Variants in GALNT10 observed in about 807,000 individuals in gnomAD.
GALNT10 encodes polypeptide N-acetylgalactosaminyltransferase 10.
In GALNT10, 41 loss-of-function variants were observed where a neutral mutation model predicts 75.0. The ratio of observed to expected loss-of-function variants is 0.55; its 90% CI spans 0.43 to 0.71. The LOEUF is 0.71. Ranked by LOEUF, GALNT10 falls within the 30% of genes least tolerant of loss-of-function variation. GALNT10 has a pLI of 0.00. For missense variants in GALNT10, 727 were observed against 818.5 expected (o/e 0.89, Z 1.36); for synonymous variants, 302 against 313.0 (o/e 0.96, Z 0.37).
chr5:154,345,124 A>T (rs951864543), intron 4 of GALNT10, among the ~76,000 whole-genome samples: 3 of 152,198 alleles, frequency 2.0e-5, no homozygotes, highest in Non-Finnish European at 4.4e-5. Flanking sequence ...TGAGCCAAAG[A>T]TGCATCAAAA....
chr5:154,386,235 G>C (rs976578021), intron 6 of GALNT10, 78 bp from the exon 7 acceptor site: 1 of 1,012,146 alleles, frequency 9.9e-7, no homozygotes, highest in African/African-American at 1.6e-5. Context: ...GCCGCTGGGG[G>C]AATGGCATTA....
At chr5:154,399,274 A>T (rs959963220) in intron 7 of GALNT10, among the ~76,000 whole-genome samples, 1 of 152,172 alleles carries the variant, frequency 6.6e-6, no homozygotes, top group Non-Finnish European at 1.5e-5. Context: ...CATGAGCAGA[A>T]CCACAGGGCC....
intron 1 of GALNT10, among the ~76,000 whole-genome samples, chr5:154,250,020 A>T (rs1410414760): frequency 6.6e-6 from 1 of 152,226 alleles, no homozygotes; most frequent in Non-Finnish European, 1.5e-5. Context: ...GAAATCAATC[A>T]TGCACAGCTG....
At chr5:154,304,418 G>A (rs987733813) in intron 3 of GALNT10, among the ~76,000 whole-genome samples, 10 of 152,090 alleles carry the variant, frequency 6.6e-5, no homozygotes, top group African/African-American at 2.4e-4. Context: ...ATGATAAGAG[G>A]AGAATTCTTG....
At chr5:154,404,293 CTG>C (rs1357264042) in intron 8 of GALNT10, 82 bp downstream of exon 8, 44 of 703,778 alleles carry the variant, frequency 6.3e-5, no homozygotes, top group Non-Finnish European at 1.1e-4. Context: ...GGGCCCTAGA[CTG>C]TGTTATGTGA....
intron 7 of GALNT10, among the ~76,000 whole-genome samples, chr5:154,391,483 C>T (rs898475658): frequency 6.6e-6 from 1 of 152,240 alleles, no homozygotes; most frequent in African/African-American, 2.4e-5. Flanking sequence ...TCTCTCTCAG[C>T]AGAGCAAAGT....
At chr5:154,221,396 C>G (rs1752975908) in intron 1 of GALNT10, among the ~76,000 whole-genome samples, 1 of 152,216 alleles carries the variant, frequency 6.6e-6, no homozygotes, top group African/African-American at 2.4e-5. Flanking sequence ...GGTATCCTCC[C>G]TGCACCGCTC....
At chr5:154,261,220 A>G (rs886294449) in intron 1 of GALNT10, among the ~76,000 whole-genome samples, 2 of 152,174 alleles carry the variant, frequency 1.3e-5, no homozygotes, top group Non-Finnish European at 1.5e-5. Context: ...TGATGGAGAA[A>G]GGAAGAGAGA....
intron 1 of GALNT10, among the ~76,000 whole-genome samples, chr5:154,286,335 A>G (rs1439754611): frequency 2.0e-5 from 3 of 151,974 alleles, no homozygotes; most frequent in Admixed American, 2.0e-4. Flanking sequence ...ATGGATTGAT[A>G]GGTAAGAGAC....
chr5:154,328,799 G>T (rs537735862), intron 3 of GALNT10, among the ~76,000 whole-genome samples: 34 of 152,230 alleles, frequency 2.2e-4, no homozygotes, highest in African/African-American at 7.5e-4. Flanking sequence ...AGGGGAACAC[G>T]TTTACCAGTT....
At chr5:154,356,901 A>T (rs10058552) in intron 4 of GALNT10, among the ~76,000 whole-genome samples, 2,021 of 152,354 alleles carry the variant, frequency 0.013, 45 homozygotes, top group African/African-American at 0.047. Context: ...CCCAAGAGGT[A>T]GACAGGAATT....
intron 6 of GALNT10, among the ~76,000 whole-genome samples, chr5:154,384,412 T>G (rs1755777572): frequency 6.6e-6 from 1 of 152,212 alleles, no homozygotes; most frequent in Non-Finnish European, 1.5e-5. Context: ...CCAGTATACC[T>G]CAAATATTAT....
At chr5:154,339,992 A>G (rs1312934123) in intron 4 of GALNT10, among the ~76,000 whole-genome samples, 1 of 152,200 alleles carries the variant, frequency 6.6e-6, no homozygotes, top group Non-Finnish European at 1.5e-5. Context: ...TTATCTACTC[A>G]GGGTTTGAAG....
intron 1 of GALNT10, among the ~76,000 whole-genome samples, chr5:154,218,908 CTCT>C (rs142236674): frequency 6.6e-6 from 1 of 152,088 alleles, no homozygotes; most frequent in African/African-American, 2.4e-5. Flanking sequence ...TTATTGAAGC[CTCT>C]TCTTCTGTTT....
At chr5:154,401,569 C>T (rs1269548691) in intron 7 of GALNT10, among the ~76,000 whole-genome samples, 4 of 152,184 alleles carry the variant, frequency 2.6e-5, no homozygotes, top group African/African-American at 9.6e-5. Context: ...CATCAGGAGC[C>T]CATTATCTCG....
Position 154,416,949 on chromosome 5 carries a change from T to C in GALNT10, c.1789T>C (p.Leu597=). Residue 597 remains leucine, a synonymous_variant, in exon 12 of 12, where the codon TTG becomes CTG. Coordinates refer to ENST00000297107, the MANE Select transcript of GALNT10 (RefSeq NM_198321.4). The surrounding 1 kb of genome is among the most constrained non-coding windows in gnomAD (Gnocchi z 4.5). ...WLFEHTNSTV[L]EKFNRN ...GTTTGAACACACCAACTCAACAGTCTTGGAAAAATTCAATAGGAACTGAGC... is the reference window on the plus strand; with the variant it reads ...GTTTGAACACACCAACTCAACAGTCCTGGAAAAATTCAATAGGAACTGAGC... 2 of 1,614,178 alleles carry C rather than the reference T, an allele frequency of 1.2e-6. No homozygotes were observed. Among genetic ancestry groups the C allele is most frequent in the Middle Eastern group, 1.6e-4 (1 of 6,062 alleles).
intron 5 of GALNT10, among the ~76,000 whole-genome samples, chr5:154,379,059 A>G (rs1226206712): frequency 6.6e-6 from 1 of 152,096 alleles, no homozygotes; most frequent in East Asian, 1.9e-4. Context: ...AGTTTTTTAA[A>G]CACACCCCCA....
chr5:154,220,841 T>A (rs1029566086), intron 1 of GALNT10, among the ~76,000 whole-genome samples: 2 of 152,266 alleles, frequency 1.3e-5, no homozygotes, highest in East Asian at 3.9e-4. Context: ...AATGAGTCAG[T>A]CATTACTCAG....
chr5:154,328,829 A>C (rs1465336756), intron 3 of GALNT10, among the ~76,000 whole-genome samples: 1 of 152,152 alleles, frequency 6.6e-6, no homozygotes. Context: ...GGATATTAGA[A>C]AGGATACAAA....
Sources: allele counts gnomAD v4.1 joint callset (sites outside exome capture counted in the v4.1 genomes callset), GRCh38; gene constraint gnomAD v4.1.1; non-coding constraint Gnocchi (gnomAD v3.1); transcripts MANE v1.5; gene names NCBI Gene and HGNC (gene_info 2026-07-23, HGNC 2026-07-21).